Variants in RPTOR observed in about 807,000 individuals in gnomAD.
The protein encoded by RPTOR is regulatory-associated protein of mTOR.
Under a neutral mutation model 169.9 loss-of-function variants are expected in RPTOR, and 21 were observed. The observed-to-expected ratio is 0.12, with a 90% CI of 0.09 to 0.18. The LOEUF (loss-of-function observed/expected upper bound fraction) is 0.18. Among genes scored for constraint, RPTOR ranks in the 10% least tolerant of loss-of-function variants. The probability of loss-of-function intolerance (pLI) is 1.00; values close to 1 mark genes in which losing one functional copy is unlikely to be tolerated. For missense variants in RPTOR, 1,133 were observed against 1,855.9 expected (o/e 0.61, Z 7.16); for synonymous variants, 732 against 753.2 (o/e 0.97, Z 0.46).
rs5822359 is a variant in RPTOR at position 80,582,541 on chromosome 17, C to CT, written c.162+36772dup. ...GGGTGACAGCGGTCAGACAAATGGGCTTTTTTTTTTTTTTTTTTTTTTGAG... is the reference window on the plus strand; with the variant it reads ...GGGTGACAGCGGTCAGACAAATGGGCTTTTTTTTTTTTTTTTTTTTTTTGAG... On this transcript the variant is annotated intron_variant, in intron 1 of 33. Transcript: ENST00000306801. Among the ~76,000 whole-genome samples the CT allele has an allele frequency of 3.3e-4, 29 of 86,820 alleles. 1 individual carries two copies. The highest frequency in any genetic ancestry group is 8.4e-4 in the African/African-American group (18 of 21,518). 57.0% of individuals were successfully genotyped at this position (86,820 alleles called of 152,430 possible).
At chr17:80,635,546 C>T (rs2065499182) in intron 2 of RPTOR, among the ~76,000 whole-genome samples, 1 of 152,186 alleles carries the variant, frequency 6.6e-6, no homozygotes, top group African/African-American at 2.4e-5. Flanking sequence ...TTGTAGGAAC[C>T]TCCAAGCGGA....
chr17:80,822,150 CCTG>C (rs1189156687), intron 7 of RPTOR, 48 bp from the exon 8 acceptor site: 1 of 1,561,048 alleles, frequency 6.4e-7, no homozygotes. Context: ...TCTTCCATTC[CCTG>C]CTCTCAGAGC....
chr17:80,826,116 A>G lies in RPTOR; in HGVS notation c.1136+2893A>G, dbSNP rs532840173. 6.6e-5 allele frequency among the ~76,000 whole-genome samples: 10 copies of G among 152,282 alleles called. No individual in the cohort carries two copies. In the South Asian group the frequency reaches 2.1e-3, roughly 32 times the overall value. ...TAGGCCACCCAGAAGAGGGCCTGACAGCCGTGAGCCACCTGCCTGTGGTGC... is the reference window on the plus strand; with the variant it reads ...TAGGCCACCCAGAAGAGGGCCTGACGGCCGTGAGCCACCTGCCTGTGGTGC... On this transcript the variant is annotated intron_variant, in intron 9 of 33. Transcript: ENST00000306801.
intron 21 of RPTOR, among the ~76,000 whole-genome samples, chr17:80,918,627 C>T (rs1354936158): frequency 1.3e-5 from 2 of 152,176 alleles, no homozygotes; most frequent in Non-Finnish European, 2.9e-5. Flanking sequence ...ACCAGCTTTG[C>T]CCTGAGCCCC....
chr17:80,668,409 A>T (rs1359625762), intron 3 of RPTOR, among the ~76,000 whole-genome samples: 1 of 152,196 alleles, frequency 6.6e-6, no homozygotes, highest in Non-Finnish European at 1.5e-5. Context: ...TGTTCTTTGT[A>T]GAAAGGCCTT....
At chr17:80,831,898 G>A (rs962043697) in intron 9 of RPTOR, among the ~76,000 whole-genome samples, 1 of 152,084 alleles carries the variant, frequency 6.6e-6, no homozygotes, top group Admixed American at 6.5e-5. Context: ...TGTGCACACA[G>A]TAAAATTTAA....
chr17:80,742,138 G>A (rs983211991), intron 5 of RPTOR, among the ~76,000 whole-genome samples: 1 of 152,168 alleles, frequency 6.6e-6, no homozygotes, highest in Non-Finnish European at 1.5e-5. Flanking sequence ...GAGGGTGGGC[G>A]ATGCCATGTG....
At chr17:80,911,237 G>T (rs1486766142) in intron 21 of RPTOR, among the ~76,000 whole-genome samples, 3 of 152,134 alleles carry the variant, frequency 2.0e-5, no homozygotes, top group African/African-American at 7.2e-5. Flanking sequence ...AGCGGACTCT[G>T]CCACTTCCTT....
intron 27 of RPTOR, among the ~76,000 whole-genome samples, chr17:80,948,283 G>A (rs923555378): frequency 2.6e-5 from 4 of 152,276 alleles, no homozygotes; most frequent in African/African-American, 9.6e-5. Flanking sequence ...CTGGTGAGGG[G>A]CGTGGCCATG....
Position 80,765,457 on chromosome 17 carries a change from G to A in RPTOR, c.830+11272G>A, listed in dbSNP as rs138586185. Among the ~76,000 whole-genome samples, 56 of 152,302 alleles carry A rather than the reference G, an allele frequency of 3.7e-4. 1 individual carries two copies. Among genetic ancestry groups the A allele is most frequent in the African/African-American group, 1.3e-3 (53 of 41,546 alleles). ...GTTTGGTTGACATTTTACAGTTACA[G>A]GGATAACAGTAGCTAGCATTTGTCG... On this transcript the variant is annotated intron_variant, in intron 6 of 33. Coordinates refer to ENST00000306801, the MANE Select transcript of RPTOR (RefSeq NM_020761.3).
Position 80,841,415 on chromosome 17 carries a change from T to A in RPTOR, c.1212+3418T>A, listed in dbSNP as rs1267724569. Among the ~76,000 whole-genome samples the A allele has an allele frequency of 2.6e-5, 3 of 114,592 alleles. 1 individual carries two copies. Among genetic ancestry groups the A allele is most frequent in the East Asian group, 2.8e-4 (1 of 3,586 alleles). The allele number at this position is 114,592 out of a possible 152,430, so 75.2% of individuals were successfully genotyped here. ...GCTCACACCGCACGGCAGCTCACAC[T>A]CACCACACGGCAGCTCACACTCACC... On this transcript the variant is annotated intron_variant, in intron 10 of 33. Transcript: ENST00000306801.
At chr17:80,654,445 G>A (rs1039722437) in intron 3 of RPTOR, among the ~76,000 whole-genome samples, 5 of 152,234 alleles carry the variant, frequency 3.3e-5, no homozygotes, top group African/African-American at 1.2e-4. Flanking sequence ...GATCAGCTCC[G>A]CTTAGCTTCA....
intron 3 of RPTOR, among the ~76,000 whole-genome samples, chr17:80,669,393 C>CT (rs1294728103): frequency 9.9e-5 from 15 of 152,066 alleles, no homozygotes; most frequent in Non-Finnish European, 1.8e-4. Flanking sequence ...TTCATTCTTT[C>CT]TTTTTTTTGA....
intron 5 of RPTOR, chr17:80,743,426 A>T (rs368317061): frequency 2.0e-6 from 2 of 985,420 alleles, no homozygotes; most frequent in Non-Finnish European, 1.2e-6. Flanking sequence ...GCATAAAGAC[A>T]GGTAGGAAAG....
At chr17:80,950,520 G>A (rs2069162186) in intron 28 of RPTOR, among the ~76,000 whole-genome samples, 1 of 151,776 alleles carries the variant, frequency 6.6e-6, no homozygotes, top group Non-Finnish European at 1.5e-5. Flanking sequence ...TTTTAATGTA[G>A]CCATGTTCTT....
rs749371236 is a variant in RPTOR, at chr17:80,940,557, G to A, written c.2981G>A (p.Arg994Gln). 3.7e-6 allele frequency: 6 copies of A among 1,612,984 alleles called. No homozygotes were observed. The highest frequency in any genetic ancestry group is 1.1e-5 in the South Asian group (1 of 90,930). ...IRKEREWRFL[R>Q]NSRVRRQAQQ... ...AAGGAGCGGGAGTGGCGGTTCCTGCGAAACAGCCGTGTCAGGAGGCAGGCC... is the reference window on the plus strand; with the variant it reads ...AAGGAGCGGGAGTGGCGGTTCCTGCAAAACAGCCGTGTCAGGAGGCAGGCC... The change falls in exon 25 of 34, where the codon CGA becomes CAA. Residue 994 changes from arginine to glutamine, a missense_variant. Around this residue, in one of 9 missense-constraint regions of RPTOR, gnomAD observed 410 missense variants for 623.7 expected, o/e 0.66. Transcript: ENST00000306801.
At chr17:80,895,638 CAG>C (rs772128885) in intron 20 of RPTOR, among the ~76,000 whole-genome samples, 1 of 152,248 alleles carries the variant, frequency 6.6e-6, no homozygotes, top group Non-Finnish European at 1.5e-5. Flanking sequence ...CACCTTGCCT[CAG>C]AGTGAAGCTG....
intron 3 of RPTOR, among the ~76,000 whole-genome samples, chr17:80,667,203 G>T (rs2065787305): frequency 6.6e-6 from 1 of 152,198 alleles, no homozygotes; most frequent in Non-Finnish European, 1.5e-5. Flanking sequence ...AGGGAAGTAA[G>T]TCCATACCAC....
intron 2 of RPTOR, among the ~76,000 whole-genome samples, chr17:80,632,002 T>C (rs2065445921): frequency 6.6e-6 from 1 of 152,238 alleles, no homozygotes; most frequent in Admixed American, 6.5e-5. Context: ...AATGTTGTTT[T>C]TCCTGCATTA....
Sources: gnomAD v4.1 joint callset for allele counts (sites outside exome capture counted in the v4.1 genomes callset) on GRCh38, gnomAD v4.1.1 for gene constraint, gnomAD v4.1.1 regional missense constraint, MANE v1.5 for transcripts, NCBI Gene and HGNC (gene_info 2026-07-23, HGNC 2026-07-21) for gene names.